The following ATRNL1 variants were observed in gnomAD, a reference collection of about 807,000 sequenced individuals.
ATRNL1 encodes the protein attractin-like protein 1.
A neutral mutation model predicts 182.7 loss-of-function variants in ATRNL1; 95 were observed. That is an observed-to-expected ratio of 0.52 (90% CI 0.44 to 0.62). The LOEUF (loss-of-function observed/expected upper bound fraction) is 0.62. Ranked by LOEUF, ATRNL1 falls within the 20% of genes least tolerant of loss-of-function variation. The pLI, the probability that ATRNL1 is intolerant of heterozygous loss-of-function variation, is 0.00. For missense variants in ATRNL1, 1,471 were observed against 1,679.5 expected, an observed-to-expected ratio of 0.88 and a Z score of 2.17; for synonymous variants, 576 against 568.3, an observed-to-expected ratio of 1.01 and a Z score of -0.19.
intron 28 of ATRNL1, among the ~76,000 whole-genome samples, chr10:115,868,819 A>ATTTTTTTT (rs1555105343): frequency 2.0e-5 from 2 of 98,278 alleles, no homozygotes; most frequent in African/African-American, 7.2e-5. Flanking sequence ...GCAAGTCTTT[A>ATTTTTTTT]TTCTTTTTTT....
intron 19 of ATRNL1, among the ~76,000 whole-genome samples, chr10:115,352,384 T>G (rs1158551380): frequency 1.3e-5 from 2 of 152,168 alleles, no homozygotes; most frequent in Non-Finnish European, 2.9e-5. Context: ...TTTTCTAAGA[T>G]GCACTATTAA....
chr10:115,684,496 T>C (rs562649289), intron 26 of ATRNL1, among the ~76,000 whole-genome samples: 17 of 151,572 alleles, frequency 1.1e-4, no homozygotes, highest in African/African-American at 4.1e-4. Context: ...GTAAGGTTTT[T>C]TAAACAGATT....
intron 28 of ATRNL1, among the ~76,000 whole-genome samples, chr10:115,911,722 G>A (rs1555115961): frequency 6.6e-6 from 1 of 152,170 alleles, no homozygotes; most frequent in Non-Finnish European, 1.5e-5. Flanking sequence ...AGAGAAGAGT[G>A]TGGTCATCCA....
At chr10:115,398,493 C>A (rs1844396637) in intron 20 of ATRNL1, among the ~76,000 whole-genome samples, 1 of 151,804 alleles carries the variant, frequency 6.6e-6, no homozygotes, top group Non-Finnish European at 1.5e-5. Context: ...GAAGTTCTTT[C>A]CTGATTTGGC....
intron 28 of ATRNL1, among the ~76,000 whole-genome samples, chr10:115,901,930 T>C (rs940818117): frequency 1.3e-5 from 2 of 152,144 alleles, no homozygotes; most frequent in African/African-American, 4.8e-5. Context: ...TTGTTAAAGA[T>C]TGACCTAGGA....
intron 28 of ATRNL1, among the ~76,000 whole-genome samples, chr10:115,909,116 C>T (rs1013231237): frequency 1.1e-4 from 16 of 152,096 alleles, no homozygotes; most frequent in Non-Finnish European, 1.9e-4. Flanking sequence ...TAATAATGTA[C>T]ACAGCTGTAG....
intron 26 of ATRNL1, chr10:115,597,453 G>A (rs1410960255): frequency 1.2e-5 from 4 of 332,706 alleles, no homozygotes; most frequent in Non-Finnish European, 2.3e-5. Context: ...TTTATCTGTT[G>A]TGTGAATTAA....
intron 7 of ATRNL1, among the ~76,000 whole-genome samples, chr10:115,169,803 T>A (rs1265829635): frequency 6.6e-6 from 1 of 152,270 alleles, no homozygotes; most frequent in Non-Finnish European, 1.5e-5. Flanking sequence ...TTATATCTTT[T>A]AAAAATTTAT....
At chr10:115,887,465 G>C (rs1951974277) in intron 28 of ATRNL1, among the ~76,000 whole-genome samples, 1 of 152,170 alleles carries the variant, frequency 6.6e-6, no homozygotes, top group African/African-American at 2.4e-5. Flanking sequence ...CACAGTAGAA[G>C]GTGCAGGACA....
chr10:115,624,836 A>G (rs1346127291), intron 26 of ATRNL1, among the ~76,000 whole-genome samples: 2 of 152,142 alleles, frequency 1.3e-5, no homozygotes, highest in Non-Finnish European at 2.9e-5. Context: ...AATAACTTCT[A>G]CTCGTCTTTA....
chr10:115,517,162 T>G (rs1331409638), intron 24 of ATRNL1, among the ~76,000 whole-genome samples: 1 of 151,962 alleles, frequency 6.6e-6, no homozygotes, highest in African/African-American at 2.4e-5. Context: ...GTTAATAATT[T>G]CTTCCAAAAT....
intron 28 of ATRNL1, among the ~76,000 whole-genome samples, chr10:115,902,935 C>T (rs897753719): frequency 7.2e-5 from 11 of 152,142 alleles, no homozygotes; most frequent in Non-Finnish European, 1.3e-4. Flanking sequence ...CAAGGAAGCC[C>T]AGCTGTCCGT....
Position 115,421,252 on chromosome 10 carries a change from C to T in ATRNL1, c.3270-4998C>T, listed in dbSNP as rs553630995. 4.6e-5 allele frequency among the ~76,000 whole-genome samples: 7 copies of T among 152,212 alleles called. No homozygotes were observed. In the South Asian group the frequency reaches 1.5e-3, roughly 32 times the overall value. On this transcript the variant is annotated intron_variant, in intron 20 of 28. Transcript: ENST00000355044. ...ACAAAGATAAAAGTATAAAATAAAACTACAGGCCAATATCCCTGATGGATA... is the reference window on the plus strand; with the variant it reads ...ACAAAGATAAAAGTATAAAATAAAATTACAGGCCAATATCCCTGATGGATA...
At chr10:115,136,542 A>G (rs1845522134) in intron 5 of ATRNL1, among the ~76,000 whole-genome samples, 1 of 152,352 alleles carries the variant, frequency 6.6e-6, no homozygotes, top group East Asian at 1.9e-4. Flanking sequence ...ATCCACCATT[A>G]TAGTATCAAC....
chr10:115,722,989 T>TGG (rs1400942889), intron 26 of ATRNL1, among the ~76,000 whole-genome samples: 1 of 152,244 alleles, frequency 6.6e-6, no homozygotes, highest in African/African-American at 2.4e-5. Flanking sequence ...TACCCACATT[T>TGG]GGATGAAACA....
intron 28 of ATRNL1, among the ~76,000 whole-genome samples, chr10:115,915,093 G>A (rs1952804208): frequency 6.6e-6 from 1 of 152,146 alleles, no homozygotes; most frequent in South Asian, 2.1e-4. Context: ...ATGTCTTGAT[G>A]ATCAAAAATA....
At chr10:115,758,998 G>C (rs2960727) in intron 27 of ATRNL1, among the ~76,000 whole-genome samples, 144,744 of 152,322 alleles carry the variant, frequency 0.95, 69,187 homozygotes, top group East Asian at 1. Flanking sequence ...CAAAATATTT[G>C]TATTACAATT....
At chr10:115,138,408 C>G (rs1272193926) in intron 5 of ATRNL1, among the ~76,000 whole-genome samples, 1 of 152,234 alleles carries the variant, frequency 6.6e-6, no homozygotes, top group African/African-American at 2.4e-5. Context: ...CATGAGGGCT[C>G]TGCCCCTGCA....
intron 25 of ATRNL1, among the ~76,000 whole-genome samples, chr10:115,542,656 T>C (rs557277823): frequency 2.6e-5 from 4 of 152,300 alleles, no homozygotes; most frequent in African/African-American, 9.6e-5. Flanking sequence ...ACCTGGAACT[T>C]TTCTTCCTTT....
Sources: allele counts gnomAD v4.1 joint callset (sites outside exome capture counted in the v4.1 genomes callset), GRCh38; gene constraint gnomAD v4.1.1; transcripts MANE v1.5; gene names NCBI Gene and HGNC (gene_info 2026-07-23, HGNC 2026-07-21).